The following MAGI2 variants were observed in gnomAD, a reference collection of about 807,000 sequenced individuals.
MAGI2 encodes the protein membrane associated guanylate kinase, WW and PDZ domain containing 2, also known as membrane-associated guanylate kinase, WW and PDZ domain-containing protein 2.
In MAGI2, 35 loss-of-function variants were observed where a neutral mutation model predicts 133.3. That is an observed-to-expected ratio of 0.26 (90% CI 0.20 to 0.35). The LOEUF (loss-of-function observed/expected upper bound fraction) is 0.35. MAGI2 is among the 10% of genes least tolerant of loss of function. The probability of loss-of-function intolerance (pLI) is 1.00; values close to 1 mark genes in which losing one functional copy is unlikely to be tolerated. For missense variants in MAGI2, 1,636 were observed against 1,863.4 expected, an observed-to-expected ratio of 0.88 and a Z score of 2.25; for synonymous variants, 729 against 710.6, an observed-to-expected ratio of 1.03 and a Z score of -0.41.
chr7:78,419,187 TC>T (rs1349291029), intron 6 of MAGI2, among the ~76,000 whole-genome samples: 1 of 152,142 alleles, frequency 6.6e-6, no homozygotes, highest in East Asian at 1.9e-4. Flanking sequence ...TCCAGATTAG[TC>T]CTAGCATACT....
At chr7:78,384,239 AT>A (rs1372641399) in intron 6 of MAGI2, among the ~76,000 whole-genome samples, 1 of 152,092 alleles carries the variant, frequency 6.6e-6, no homozygotes, top group Non-Finnish European at 1.5e-5. Context: ...AATGTAACAT[AT>A]TTTGTGAGAC....
At chr7:78,814,469 A>G (rs993590552) in intron 2 of MAGI2, among the ~76,000 whole-genome samples, 2 of 152,254 alleles carry the variant, frequency 1.3e-5, no homozygotes, top group African/African-American at 4.8e-5. Flanking sequence ...TCTTTTAACC[A>G]GTAAAATAAA....
chr7:78,893,705 G>A (rs1170096454), intron 2 of MAGI2, among the ~76,000 whole-genome samples: 1 of 150,984 alleles, frequency 6.6e-6, no homozygotes, highest in Non-Finnish European at 1.5e-5. Context: ...ACAGGAAGGG[G>A]AACATCACAC....
intron 2 of MAGI2, among the ~76,000 whole-genome samples, chr7:78,944,715 T>TTATG (rs1292014349): frequency 2.0e-5 from 3 of 149,100 alleles, no homozygotes; most frequent in Admixed American, 6.8e-5. Context: ...TACTATTTAT[T>TTATG]TATTTATTTA....
At chr7:78,952,486 C>G (rs988305947) in intron 2 of MAGI2, among the ~76,000 whole-genome samples, 1 of 152,064 alleles carries the variant, frequency 6.6e-6, no homozygotes, top group Non-Finnish European at 1.5e-5. Context: ...TTCATTTGTA[C>G]AAGCCTACTC....
intron 10 of MAGI2, among the ~76,000 whole-genome samples, chr7:78,212,621 T>G (rs574591836): frequency 1.3e-4 from 20 of 152,350 alleles, no homozygotes; most frequent in African/African-American, 4.6e-4. Flanking sequence ...AAGGTCAGTT[T>G]ATATTGTTTT....
intron 11 of MAGI2, among the ~76,000 whole-genome samples, chr7:78,200,062 C>T (rs1055151945): frequency 1.3e-5 from 2 of 152,180 alleles, no homozygotes; most frequent in Admixed American, 6.5e-5. Context: ...AAAAGTATCT[C>T]TTTTCAAAAT....
chr7:78,298,722 C>T (rs1299661671), intron 9 of MAGI2, among the ~76,000 whole-genome samples: 1 of 151,482 alleles, frequency 6.6e-6, no homozygotes, highest in Non-Finnish European at 1.5e-5. Context: ...CAGGCTGGGT[C>T]TCCAACCCCT....
At chr7:78,590,013 A>G (rs1300379052) in intron 3 of MAGI2, among the ~76,000 whole-genome samples, 1 of 152,222 alleles carries the variant, frequency 6.6e-6, no homozygotes, top group African/African-American at 2.4e-5. Flanking sequence ...GTAAATTGAG[A>G]TCAGGAATAA....
intron 1 of MAGI2, among the ~76,000 whole-genome samples, chr7:79,228,369 A>AAAAAAAAAAAAAAAAAAAAAAAAAC: frequency 6.7e-6 from 1 of 148,414 alleles, no homozygotes; most frequent in Non-Finnish European, 1.5e-5. Flanking sequence ...AAAAAAAAAA[A>AAAAAAAAAAAAAAAAAAAAAAAAAC]AGATCGTGGG....
rs186139521 is a variant in MAGI2, at chr7:78,287,059, A to G, written c.1409-30478T>C. 3.3e-5 allele frequency among the ~76,000 whole-genome samples: 5 copies of G among 152,256 alleles called. No individual in the cohort carries two copies. The East Asian group carries it at 9.7e-4, about 29-fold the overall frequency. On this transcript the variant is annotated intron_variant, in intron 9 of 21. Transcript: ENST00000354212. ...ATCTTTGTTTGTTTCTTTGTTTTAT[A>G]ATCTTCAGAGGGAATTACTCCCACT... is the stretch of plus-strand genomic sequence containing the variant.
intron 1 of MAGI2, among the ~76,000 whole-genome samples, chr7:79,220,967 C>G (rs1830405149): frequency 1.3e-5 from 2 of 151,928 alleles, no homozygotes; most frequent in South Asian, 4.1e-4. Flanking sequence ...GCTTAAAATT[C>G]ACCACCAGTA....
At chr7:78,408,130 T>G (rs1160877207) in intron 6 of MAGI2, among the ~76,000 whole-genome samples, 1 of 152,060 alleles carries the variant, frequency 6.6e-6, no homozygotes, top group South Asian at 2.1e-4. Context: ...CTATTTCTTC[T>G]GTAAGAATAT....
At chr7:78,209,241 A>T (rs1787490578) in intron 10 of MAGI2, among the ~76,000 whole-genome samples, 1 of 122,690 alleles carries the variant, frequency 8.2e-6, no homozygotes, top group African/African-American at 2.9e-5. Flanking sequence ...AAAAAAAAAA[A>T]AAAAGACAGG....
chr7:79,339,130 T>A (rs984290596), intron 1 of MAGI2, among the ~76,000 whole-genome samples: 2 of 152,128 alleles, frequency 1.3e-5, no homozygotes, highest in African/African-American at 4.8e-5. Flanking sequence ...AGTATCTTCT[T>A]GGGAGAAAAA....
At chr7:78,582,049 G>A (rs1412924267) in intron 3 of MAGI2, among the ~76,000 whole-genome samples, 3 of 152,190 alleles carry the variant, frequency 2.0e-5, no homozygotes, top group Non-Finnish European at 4.4e-5. Flanking sequence ...TAGCAGAAAA[G>A]GGGTAAGGGG....
At chr7:78,650,985 G>A (rs144682546) in intron 2 of MAGI2, among the ~76,000 whole-genome samples, 5 of 152,162 alleles carry the variant, frequency 3.3e-5, no homozygotes, top group East Asian at 1.9e-4. Context: ...GATTTGAGGC[G>A]TTCTTGTGAG....
chr7:78,604,405 G>A (rs994366000), intron 3 of MAGI2, among the ~76,000 whole-genome samples: 3 of 152,242 alleles, frequency 2.0e-5, no homozygotes, highest in Admixed American at 6.5e-5. Context: ...GAAGTGGTTT[G>A]CCCGTCCTTT....
At chr7:79,136,048 GGAAAGAAAGAAAGAAAGAAGGAAA>G (rs1156251655) in intron 1 of MAGI2, among the ~76,000 whole-genome samples, 143 of 64,422 alleles carry the variant, frequency 2.2e-3, no homozygotes, top group Admixed American at 9.8e-3. Context: ...AAAGAAAGAA[GGAAAGAAAGAAAGAAAGAAGGAAA>G]GAAAGAAAGA....
Sources: gnomAD v4.1 joint callset for allele counts (sites outside exome capture counted in the v4.1 genomes callset) on GRCh38, gnomAD v4.1.1 for gene constraint, MANE v1.5 for transcripts, NCBI Gene and HGNC (gene_info 2026-07-23, HGNC 2026-07-21) for gene names.